The following PTPRN2 variants were observed in gnomAD, a reference collection of about 807,000 sequenced individuals.
The protein encoded by PTPRN2 is receptor-type tyrosine-protein phosphatase N2.
Under a neutral mutation model 118.8 loss-of-function variants are expected in PTPRN2, and 74 were observed. The observed-to-expected ratio is 0.62, with a 90% CI of 0.52 to 0.76. PTPRN2 has a LOEUF of 0.76. Among genes scored for constraint, PTPRN2 ranks in the 30% least tolerant of loss-of-function variants. PTPRN2 has a pLI of 0.00. For missense variants in PTPRN2, 1,481 were observed against 1,394.4 expected (o/e 1.06, Z -0.99); for synonymous variants, 641 against 608.0 (o/e 1.05, Z -0.80).
In PTPRN2 at chr7:157,785,365, C is replaced by T. The variant is rs1161645071; in HGVS notation, c.1789-102428G>A. ...CCCAAAGCCACTGAGTGAAAACAGACCACGGTGCTCCAAAACGAAATCGCC... is the reference window on the plus strand; with the variant it reads ...CCCAAAGCCACTGAGTGAAAACAGATCACGGTGCTCCAAAACGAAATCGCC... On this transcript the variant is annotated intron_variant, in intron 12 of 22. Transcript: ENST00000389418. This position sits in a 1 kb window ranked among gnomAD's most constrained non-coding sequence, Gnocchi z 7.3. Among the ~76,000 whole-genome samples the T allele has an allele frequency of 1.3e-5, 2 of 152,202 alleles. No individual in the cohort carries two copies. The highest frequency in any genetic ancestry group is 4.8e-5 in the African/African-American group (2 of 41,464).
intron 6 of PTPRN2, among the ~76,000 whole-genome samples, chr7:158,145,917 G>T (rs1018024028): frequency 6.6e-6 from 1 of 152,162 alleles, no homozygotes; most frequent in African/African-American, 2.4e-5. Context: ...GGGCAAGCTC[G>T]CTCATTTCTT....
At chr7:157,660,312 C>T (rs1638027) in intron 13 of PTPRN2, among the ~76,000 whole-genome samples, 5,152 of 152,158 alleles carry the variant, frequency 0.034, 313 homozygotes, top group East Asian at 0.28. Context: ...TGTGATTTGC[C>T]ACCCATGGGA....
intron 6 of PTPRN2, among the ~76,000 whole-genome samples, chr7:158,144,300 G>C (rs10257376): frequency 0.26 from 39,734 of 152,118 alleles, 5,486 homozygotes; most frequent in East Asian, 0.38. Flanking sequence ...ATTCAATTCA[G>C]AGTGGCTACA....
At chr7:158,129,878 G>T (rs1488406526) in intron 9 of PTPRN2, among the ~76,000 whole-genome samples, 2 of 152,152 alleles carry the variant, frequency 1.3e-5, no homozygotes, top group African/African-American at 4.8e-5. Flanking sequence ...GAGAGCAAGG[G>T]CACAGACAGA....
At position 157,619,019 on chromosome 7, in the gene PTPRN2, C is replaced by T. The variant is rs1012608079; in HGVS notation, c.2344+2343G>A. 1.3e-5 allele frequency among the ~76,000 whole-genome samples: 2 copies of T among 152,092 alleles called. No individual in the cohort carries two copies. Among genetic ancestry groups the T allele is most frequent in the Admixed American group, 1.3e-4 (2 of 15,268 alleles). ...CTGATCCCCATGAGAACATCAGGCG[C>T]CCATCCACATGTGGCCACCCTGTTG... On this transcript the variant is annotated intron_variant, in intron 15 of 22. Coordinates refer to ENST00000389418, the MANE Select transcript of PTPRN2 (RefSeq NM_002847.5). This position sits in a 1 kb window ranked among gnomAD's most constrained non-coding sequence, Gnocchi z 5.3.
At chr7:157,985,846 G>A (rs747560499) in intron 11 of PTPRN2, among the ~76,000 whole-genome samples, 6 of 152,064 alleles carry the variant, frequency 3.9e-5, no homozygotes, top group South Asian at 2.1e-4. Context: ...ACCCGGCCTC[G>A]CTCAGAAAGC....
At chr7:157,651,643 A>C (rs1341683601) in intron 14 of PTPRN2, among the ~76,000 whole-genome samples, 1 of 152,238 alleles carries the variant, frequency 6.6e-6, no homozygotes, top group Non-Finnish European at 1.5e-5. Context: ...TCTGAAAGCA[A>C]AGTGATAGGG....
chr7:158,170,031 T>A (rs1823397976), intron 5 of PTPRN2, among the ~76,000 whole-genome samples: 1 of 152,216 alleles, frequency 6.6e-6, no homozygotes, highest in Non-Finnish European at 1.5e-5. Context: ...TCTAAAGTGA[T>A]GTGACTATAG....
At chr7:158,207,280 T>G (rs1827233279) in intron 3 of PTPRN2, among the ~76,000 whole-genome samples, 1 of 147,890 alleles carries the variant, frequency 6.8e-6, no homozygotes, top group Admixed American at 6.7e-5. Flanking sequence ...CGTGTGCATG[T>G]GTCTTTATAG....
At chr7:158,301,149 T>C (rs1800858831) in intron 3 of PTPRN2, among the ~76,000 whole-genome samples, 1 of 152,160 alleles carries the variant, frequency 6.6e-6, no homozygotes, top group African/African-American at 2.4e-5. Context: ...AAAGGAAACA[T>C]CTTATACTAT....
chr7:157,999,635 C>T (rs1034069351), intron 11 of PTPRN2, among the ~76,000 whole-genome samples: 6 of 152,132 alleles, frequency 3.9e-5, no homozygotes, highest in African/African-American at 1.4e-4. Flanking sequence ...GTCCACACGA[C>T]GAGACCAGGG....
intron 9 of PTPRN2, among the ~76,000 whole-genome samples, chr7:158,121,237 A>C (rs917627407): frequency 6.6e-6 from 1 of 152,118 alleles, no homozygotes; most frequent in African/African-American, 2.4e-5. Flanking sequence ...CATTAGGAAG[A>C]GGGCAGGTGC....
intron 5 of PTPRN2, among the ~76,000 whole-genome samples, chr7:158,176,512 A>C (rs1824224236): frequency 6.6e-6 from 1 of 152,216 alleles, no homozygotes; most frequent in South Asian, 2.1e-4. Flanking sequence ...CCGAGTGAAC[A>C]GAGGAACCGT....
chr7:158,149,290 T>G (rs1326414244), intron 6 of PTPRN2, among the ~76,000 whole-genome samples: 1 of 152,210 alleles, frequency 6.6e-6, no homozygotes, highest in Non-Finnish European at 1.5e-5. Context: ...CAAACTTTTA[T>G]AAAGCAATGT....
chr7:158,311,912 C>T (rs984857494), intron 3 of PTPRN2, among the ~76,000 whole-genome samples: 2 of 146,606 alleles, frequency 1.4e-5, no homozygotes, highest in African/African-American at 5.5e-5. Flanking sequence ...CACACGCACA[C>T]ACCTGCACAC....
intron 15 of PTPRN2, among the ~76,000 whole-genome samples, chr7:157,612,013 C>T (rs899670192): frequency 1.6e-4 from 24 of 152,324 alleles, no homozygotes; most frequent in East Asian, 3.9e-4. Context: ...TTCTGGCCTC[C>T]GGAATGGGAG....
chr7:158,371,945 C>G (rs1038371972), intron 2 of PTPRN2, among the ~76,000 whole-genome samples: 1 of 152,228 alleles, frequency 6.6e-6, no homozygotes, highest in African/African-American at 2.4e-5. Flanking sequence ...ACGTAGCGCA[C>G]TCAGCGTCCG....
intron 9 of PTPRN2, among the ~76,000 whole-genome samples, chr7:158,133,149 G>A (rs1403781854): frequency 2.0e-5 from 3 of 152,288 alleles, no homozygotes; most frequent in East Asian, 3.9e-4. Flanking sequence ...TCTGAAGGGC[G>A]CCCACGCCAG....
At chr7:158,243,496 T>C (rs1380557436) in intron 3 of PTPRN2, among the ~76,000 whole-genome samples, 3 of 152,190 alleles carry the variant, frequency 2.0e-5, no homozygotes, top group Admixed American at 6.5e-5. Flanking sequence ...AGTGGAGAGA[T>C]GGTTACTCGT....
Sources: allele counts gnomAD v4.1 joint callset (sites outside exome capture counted in the v4.1 genomes callset), GRCh38; gene constraint gnomAD v4.1.1; non-coding constraint Gnocchi (gnomAD v3.1); transcripts MANE v1.5; gene names NCBI Gene and HGNC (gene_info 2026-07-23, HGNC 2026-07-21).